UTRN: variants seen among roughly 807,000 people sequenced by gnomAD.
UTRN encodes the protein utrophin, also known as dystrophin-related protein 1.
UTRN carries 283 observed loss-of-function variants against 463.9 expected under a neutral mutation model. The ratio of observed to expected loss-of-function variants is 0.61; its 90% CI spans 0.55 to 0.67. The LOEUF is 0.67. UTRN is among the 30% of genes least tolerant of loss of function. The pLI, the probability that UTRN is intolerant of heterozygous loss-of-function variation, is 0.00. For synonymous variants in UTRN, 1,442 were observed against 1,431.5 expected (o/e 1.01, Z -0.17); for missense variants, 3,922 against 4,084.3 (o/e 0.96, Z 1.08).
intron 54 of UTRN, among the ~76,000 whole-genome samples, chr6:144,732,214 T>TTATATATATATATATATATATACACATA (rs1788613274): frequency 2.2e-5 from 2 of 92,312 alleles, no homozygotes; most frequent in African/African-American, 4.6e-5. Flanking sequence ...GTACTCTGTT[T>TTATATATATATATATATATATACACATA]TATATATATA....
At chr6:144,790,501 A>G (rs916057648) in intron 62 of UTRN, among the ~76,000 whole-genome samples, 1 of 152,178 alleles carries the variant, frequency 6.6e-6, no homozygotes, top group Non-Finnish European at 1.5e-5. Flanking sequence ...TGTTTTTTCT[A>G]CATAGTTTGA....
At chr6:144,735,290 G>T (rs184340740) in intron 54 of UTRN, among the ~76,000 whole-genome samples, 1 of 152,310 alleles carries the variant, frequency 6.6e-6, no homozygotes, top group East Asian at 1.9e-4. Flanking sequence ...TTAGGGGTAT[G>T]GACAGGTAGG....
At chr6:144,649,200 A>G (rs991813987) in intron 51 of UTRN, among the ~76,000 whole-genome samples, 1 of 152,234 alleles carries the variant, frequency 6.6e-6, no homozygotes, top group Admixed American at 6.5e-5. Context: ...CGAGGAGGCT[A>G]TTATTTAAGA....
At position 144,782,114 on chromosome 6, in the gene UTRN, T is replaced by C; in HGVS notation, c.8825T>C (p.Val2942Ala). 6.3e-7 allele frequency: 1 copy of C among 1,597,668 alleles called. No homozygotes were observed. Among genetic ancestry groups the C allele is most frequent in the Non-Finnish European group, 8.6e-7 (1 of 1,168,386 alleles). The stretch of plus-strand genomic sequence containing the variant: ...ATGTGTCTCAATTGGTTGCTCAATG[T>C]CTATGACACGTAAGTTTATATTTTT... ...VDMCLNWLLN[V>A]YDTGRTGKIR... Residue 2942 changes from valine (V) to alanine (A), a missense_variant, in exon 61 of 75, where the codon GTC (valine) becomes GCC (alanine). Val to Ala is a moderately conservative substitution (Grantham distance 64). Coordinates refer to ENST00000367545, the MANE Select transcript of UTRN (RefSeq NM_007124.3).
Position 144,554,882 on chromosome 6 carries a change from T to A in UTRN, c.7123T>A (p.Ser2375Thr). The A allele has an allele frequency of 6.2e-7, 1 of 1,614,004 alleles. No homozygotes were observed. ...ARRDPLTKQI[S>T]DNQILLQELG... Reference sequence around the variant, plus strand: ...ACGGGATCCACTCACCAAACAAATTTCTGATAACCAAGTAAGACTCATCAG... The same window carrying A: ...ACGGGATCCACTCACCAAACAAATTACTGATAACCAAGTAAGACTCATCAG... Residue 2375 changes from serine (S) to threonine (T), a missense_variant, in exon 49 of 75, where the codon TCT (serine) becomes ACT (threonine). Ser to Thr is a moderately conservative substitution (Grantham distance 58). Transcript: ENST00000367545.
chr6:144,674,532 T>G (rs1585927709), intron 51 of UTRN, among the ~76,000 whole-genome samples: 2 of 152,122 alleles, frequency 1.3e-5, no homozygotes, highest in Admixed American at 6.6e-5. Flanking sequence ...CTCTAAAGAC[T>G]TTTTCATCCG....
chr6:144,370,815 A>G (rs1343247486), intron 2 of UTRN, among the ~76,000 whole-genome samples: 2 of 152,210 alleles, frequency 1.3e-5, no homozygotes, highest in Non-Finnish European at 2.9e-5. Flanking sequence ...GATTTGAGAC[A>G]TGGAGTCAAA....
Position 144,490,990 on chromosome 6 carries a change from A to C in UTRN, c.4325A>C (p.Gln1442Pro). 1 of 1,612,478 alleles carries C rather than the reference A, an allele frequency of 6.2e-7. No individual in the cohort carries two copies. Among genetic ancestry groups the C allele is most frequent in the Non-Finnish European group, 8.5e-7 (1 of 1,179,206 alleles). The change falls in exon 32 of 75, where the codon CAG becomes CCG. Residue 1442 changes from glutamine to proline, a missense_variant. Physicochemically the swap from Gln to Pro is moderately conservative, Grantham distance 76. This residue lies in a region of UTRN where 2,349 missense variants were observed against 2,303.8 expected (regional missense o/e 1.02). Transcript: ENST00000367545. The stretch of plus-strand genomic sequence containing the variant: ...TTCCAGAAGCCAGCTAACTTCGAGC[A>C]GCGCATGCTGGACTGCAAGCGTGTG... Reference protein sequence around the residue: ...QLFQKPANFEQRMLDCKRVLD... With the variant: ...QLFQKPANFEPRMLDCKRVLD...
chr6:144,772,597 A>T (rs1190049585), intron 59 of UTRN, among the ~76,000 whole-genome samples: 1 of 152,276 alleles, frequency 6.6e-6, no homozygotes, highest in Admixed American at 6.5e-5. Flanking sequence ...ATATATATAG[A>T]TATACAATTA....
At chr6:144,467,444 T>C (rs1188049051) in intron 23 of UTRN, among the ~76,000 whole-genome samples, 2 of 152,196 alleles carry the variant, frequency 1.3e-5, no homozygotes, top group South Asian at 2.1e-4. Context: ...TAGAGCAAGT[T>C]AGCAGATGTG....
intron 2 of UTRN, among the ~76,000 whole-genome samples, chr6:144,301,532 CTTTCTTTTT>C (rs977972860): frequency 8.5e-6 from 1 of 117,784 alleles, no homozygotes; most frequent in African/African-American, 3.6e-5. Flanking sequence ...ATCTTTCTTT[CTTTCTTTTT>C]TTTTTTTTTT....
At chr6:144,597,936 A>G (rs1355306545) in intron 51 of UTRN, among the ~76,000 whole-genome samples, 1 of 152,238 alleles carries the variant, frequency 6.6e-6, no homozygotes, top group African/African-American at 2.4e-5. Context: ...TTACACTGCC[A>G]GATAACCTGA....
chr6:144,412,720 TTGTGTG>T (rs201336159), intron 3 of UTRN, among the ~76,000 whole-genome samples: 2 of 132,872 alleles, frequency 1.5e-5, no homozygotes, highest in African/African-American at 3.2e-5. Context: ...CTATATATGT[TTGTGTG>T]TGTGTGTGTG....
rs577678684 is a variant in UTRN, at chr6:144,808,680, C to G, written c.9357+5533C>G. The stretch of plus-strand genomic sequence containing the variant: ...CAGTCTCTTCTCTTTTCCTCCACCC[C>G]CCAGCCCCTGGTAACTACCATTCTA... On this transcript the variant is annotated intron_variant, in intron 65 of 74. Transcript: ENST00000367545. 3.9e-5 allele frequency among the ~76,000 whole-genome samples: 6 copies of G among 152,124 alleles called. No homozygotes were observed. The East Asian group carries it at 1.2e-3, about 29-fold the overall frequency.
chr6:144,487,769 T>G (rs769235737), intron 29 of UTRN, 72 bp downstream of exon 29: 3 of 1,426,256 alleles, frequency 2.1e-6, no homozygotes, highest in Non-Finnish European at 2.8e-6. Context: ...CTCCATATCA[T>G]AGAGCTTTAA....
At chr6:144,614,170 A>G (rs921935892) in intron 51 of UTRN, among the ~76,000 whole-genome samples, 3 of 152,130 alleles carry the variant, frequency 2.0e-5, no homozygotes. Context: ...TAATGCTGGT[A>G]TGTAATGCTT....
In UTRN at chr6:144,313,934, A is replaced by T. The variant is rs17073627; in HGVS notation, c.79+22027A>T. ...CTTTTCCTCATGCTTCTGTTTCATT[A>T]ATATTCATATTTACTTTTTATAATA... On this transcript the variant is annotated intron_variant, in intron 2 of 74. Coordinates refer to ENST00000367545, the MANE Select transcript of UTRN (RefSeq NM_007124.3). 1.2e-3 allele frequency among the ~76,000 whole-genome samples: 185 copies of T among 152,328 alleles called. 1 individual carries two copies. In the East Asian group the frequency reaches 0.029, roughly 24 times the overall value.
At chr6:144,697,090 A>G (rs1291815790) in intron 52 of UTRN, among the ~76,000 whole-genome samples, 2 of 152,172 alleles carry the variant, frequency 1.3e-5, no homozygotes, top group Non-Finnish European at 2.9e-5. Flanking sequence ...TAGAGTTGTA[A>G]AAAATGATTC....
intron 9 of UTRN, among the ~76,000 whole-genome samples, chr6:144,430,416 C>A (rs1785697083): frequency 6.6e-6 from 1 of 152,118 alleles, no homozygotes; most frequent in Non-Finnish European, 1.5e-5. Context: ...ATGAGAGAAT[C>A]TTAAGAATTG....
Sources: gnomAD v4.1 joint callset for allele counts (sites outside exome capture counted in the v4.1 genomes callset) on GRCh38, gnomAD v4.1.1 for gene constraint, gnomAD v4.1.1 regional missense constraint, MANE v1.5 for transcripts, NCBI Gene and HGNC (gene_info 2026-07-23, HGNC 2026-07-21) for gene names.